The following ATP10D variants were observed in gnomAD, a reference collection of about 807,000 sequenced individuals.
The protein encoded by ATP10D is phospholipid-transporting ATPase VD.
ATP10D carries 89 observed loss-of-function variants against 144.8 expected under a neutral mutation model. The ratio of observed to expected loss-of-function variants is 0.61; its 90% CI spans 0.52 to 0.73. The LOEUF (loss-of-function observed/expected upper bound fraction) is 0.73. ATP10D is among the 30% of genes least tolerant of loss of function. ATP10D has a pLI of 0.00. For missense variants in ATP10D, 1,603 were observed against 1,714.8 expected (o/e 0.93, Z 1.15); for synonymous variants, 571 against 615.1 (o/e 0.93, Z 1.06).
chr4:47,500,818 G>A (rs1366993054), intron 1 of ATP10D, among the ~76,000 whole-genome samples: 2 of 152,208 alleles, frequency 1.3e-5, no homozygotes, highest in East Asian at 1.9e-4. Flanking sequence ...TCATCACCAG[G>A]AAGAAAGTCA....
At chr4:47,517,317 G>A (rs548689260) in intron 3 of ATP10D, among the ~76,000 whole-genome samples, 2 of 152,254 alleles carry the variant, frequency 1.3e-5, no homozygotes, top group South Asian at 4.1e-4. Flanking sequence ...TTGGGAGGCT[G>A]AGGTGGGAGG....
intron 18 of ATP10D, among the ~76,000 whole-genome samples, chr4:47,575,886 A>G (rs932337923): frequency 6.7e-6 from 1 of 149,576 alleles, no homozygotes; most frequent in African/African-American, 2.5e-5. Flanking sequence ...ATATCCTTAC[A>G]TAAAAAGAGA....
chr4:47,494,316 T>C (rs746981941), intron 1 of ATP10D, among the ~76,000 whole-genome samples: 7 of 152,084 alleles, frequency 4.6e-5, no homozygotes, highest in Non-Finnish European at 1.0e-4. Flanking sequence ...AGTTTGTGCC[T>C]AGGGAATCAA....
intron 3 of ATP10D, among the ~76,000 whole-genome samples, chr4:47,518,248 G>A (rs35645204): frequency 6.6e-6 from 1 of 152,118 alleles, no homozygotes; most frequent in Non-Finnish European, 1.5e-5. Context: ...GTAGTAGGTG[G>A]TGTTTCACAA....
intron 9 of ATP10D, 64 bp downstream of exon 9, chr4:47,537,002 G>T: frequency 6.6e-7 from 1 of 1,515,508 alleles, no homozygotes; most frequent in Non-Finnish European, 8.8e-7. Flanking sequence ...CCACTTAAGT[G>T]TTGGATGTCT....
intron 20 of ATP10D, among the ~76,000 whole-genome samples, chr4:47,581,617 G>A (rs964064038): frequency 1.3e-5 from 2 of 152,072 alleles, no homozygotes; most frequent in African/African-American, 4.8e-5. Context: ...TATTTTCCTA[G>A]GAAAGATAGT....
At chr4:47,538,635 T>C (rs1208952715) in intron 9 of ATP10D, among the ~76,000 whole-genome samples, 1 of 152,156 alleles carries the variant, frequency 6.6e-6, no homozygotes, top group Admixed American at 6.6e-5. Context: ...TAGAGGTGTC[T>C]GCTGAGACTG....
intron 18 of ATP10D, among the ~76,000 whole-genome samples, chr4:47,575,103 C>T (rs548386249): frequency 6.6e-6 from 1 of 152,114 alleles, no homozygotes; most frequent in South Asian, 2.1e-4. Flanking sequence ...AGGCATAAGC[C>T]ACTGCATCCG....
chr4:47,518,856 C>G (rs878991204), intron 3 of ATP10D, among the ~76,000 whole-genome samples: 1 of 152,132 alleles, frequency 6.6e-6, no homozygotes. Flanking sequence ...AGGGTAGACT[C>G]TGGATATACC....
chr4:47,553,060 C>T (rs751188094), intron 10 of ATP10D, among the ~76,000 whole-genome samples: 1 of 152,224 alleles, frequency 6.6e-6, no homozygotes, highest in Non-Finnish European at 1.5e-5. Flanking sequence ...TGTGGAATCT[C>T]ATAAGCACTA....
rs1046248057 is a variant in ATP10D at position 47,510,655 on chromosome 4, C to T, written c.-37-1849C>T. Among the ~76,000 whole-genome samples, 7 of 152,140 alleles carry T rather than the reference C, an allele frequency of 4.6e-5. No homozygotes were observed. In the East Asian group the frequency reaches 1.3e-3, roughly 29 times the overall value. ...CTAGCGTGAGGTTATTAGTCAGACA[C>T]ACCACAAATTAGCAGAAGTTAACAC... On this transcript the variant is annotated intron_variant, in intron 1 of 22. Transcript: ENST00000273859.
intron 10 of ATP10D, chr4:47,547,709 C>T (rs1017743832): frequency 1.3e-5 from 2 of 152,058 alleles, no homozygotes; most frequent in African/African-American, 4.8e-5. Context: ...TTGAATTTAT[C>T]ATATGGTTTT....
intron 20 of ATP10D, 121 bp downstream of exon 20, chr4:47,580,599 C>A: frequency 1.2e-6 from 1 of 842,594 alleles, no homozygotes; most frequent in Non-Finnish European, 2.0e-6. Context: ...TGATTATTAA[C>A]TGACTAAATT....
chr4:47,509,928 A>T (rs1716220962), intron 1 of ATP10D, among the ~76,000 whole-genome samples: 1 of 144,190 alleles, frequency 6.9e-6, no homozygotes, highest in Non-Finnish European at 1.5e-5. Flanking sequence ...TATTTCATAG[A>T]ACTTTTGTTT....
chr4:47,516,162 GGAGGTTGCAGT>G lies in ATP10D; in HGVS notation c.485+496_485+506del, dbSNP rs528716518. Among the ~76,000 whole-genome samples, 27 of 152,038 alleles carry G rather than the reference GGAGGTTGCAGT, an allele frequency of 1.8e-4. No individual in the cohort carries two copies. The South Asian group carries it at 5.6e-3, about 32-fold the overall frequency. ...GGAGAATCGCTTGAACCCAGGAGGG[GGAGGTTGCAGT>G]GAGCCGAGATCGCACCACTGCACTC... On this transcript the variant is annotated intron_variant, in intron 3 of 22. Transcript: ENST00000273859.
intron 15 of ATP10D, among the ~76,000 whole-genome samples, chr4:47,564,195 A>G (rs1238163692): frequency 6.6e-6 from 1 of 152,160 alleles, no homozygotes. Context: ...CCTGGCCAGC[A>G]ACCATTAGCT....
chr4:47,515,483 A>G lies in ATP10D; in HGVS notation c.298A>G (p.Asn100Asp). 1.2e-6 allele frequency: 2 copies of G among 1,610,440 alleles called. No individual in the cohort carries two copies. The highest frequency in any genetic ancestry group is 8.5e-7 in the Non-Finnish European group (1 of 1,178,204). The change falls in exon 3 of 23, where the codon AAT becomes GAT. Residue 100 changes from asparagine to aspartate, a missense_variant. Coordinates refer to ENST00000273859, the MANE Select transcript of ATP10D (RefSeq NM_020453.4). ...TGTGTGTTTGGGTTGCAGAGCTGCCAATTTATATTTCCTGTTCCTAGTTGT... is the reference window on the plus strand; with the variant it reads ...TGTGTGTTTGGGTTGCAGAGCTGCCGATTTATATTTCCTGTTCCTAGTTGT... The part of the protein sequence containing the change: ...NLFEQFHRAA[N>D]LYFLFLVVLN...
chr4:47,546,565 T>C (rs1418029177), intron 9 of ATP10D, 59 bp from the exon 10 acceptor site: 19 of 1,452,260 alleles, frequency 1.3e-5, no homozygotes, highest in Non-Finnish European at 2.9e-6. Context: ...CTGCCTGATA[T>C]ATTCAACTTA....
intron 9 of ATP10D, among the ~76,000 whole-genome samples, chr4:47,542,625 C>A (rs920747023): frequency 2.0e-5 from 3 of 151,832 alleles, no homozygotes; most frequent in South Asian, 4.1e-4. Flanking sequence ...TTACAGGTGC[C>A]CGCCACCACA....
Sources: gnomAD v4.1 joint callset for allele counts (sites outside exome capture counted in the v4.1 genomes callset) on GRCh38, gnomAD v4.1.1 for gene constraint, MANE v1.5 for transcripts, NCBI Gene and HGNC (gene_info 2026-07-23, HGNC 2026-07-21) for gene names.